The following RFWD3 variants were observed in gnomAD, a reference collection of about 807,000 sequenced individuals.
The protein encoded by RFWD3 is E3 ubiquitin-protein ligase RFWD3.
RFWD3 carries 65 observed loss-of-function variants against 87.7 expected under a neutral mutation model. The observed-to-expected ratio is 0.74, with a 90% CI of 0.61 to 0.91. The LOEUF (loss-of-function observed/expected upper bound fraction) is 0.91, where lower values mean the gene tolerates loss of function less well. RFWD3 is among the 40% of genes least tolerant of loss of function. The pLI, the probability that RFWD3 is intolerant of heterozygous loss-of-function variation, is 0.00. For synonymous variants in RFWD3, 433 were observed against 352.8 expected (o/e 1.23, Z -2.55); for missense variants, 1,078 against 938.5 (o/e 1.15, Z -1.94).
At chr16:74,631,271 GTC>G (rs1418356662) in intron 9 of RFWD3, among the ~76,000 whole-genome samples, 1 of 152,166 alleles carries the variant, frequency 6.6e-6, no homozygotes, top group African/African-American at 2.4e-5. Flanking sequence ...ATCACTTGAG[GTC>G]AGGAGTTTGA....
chr16:74,648,233 C>G (rs1383342171), intron 4 of RFWD3, among the ~76,000 whole-genome samples: 1 of 152,018 alleles, frequency 6.6e-6, no homozygotes, highest in Non-Finnish European at 1.5e-5. Flanking sequence ...ATCTAAGAGA[C>G]AGCAGTCACA....
intron 6 of RFWD3, among the ~76,000 whole-genome samples, chr16:74,640,443 C>A (rs903866087): frequency 2.6e-5 from 4 of 151,918 alleles, no homozygotes; most frequent in Non-Finnish European, 5.9e-5. Flanking sequence ...TGCGCCCGCC[C>A]GGAAACTTAA....
rs778325122 is a variant in RFWD3 at position 74,661,337 on chromosome 16, G to C, written c.113C>G (p.Pro38Arg). The change falls in exon 2 of 13, where the codon CCT (proline) becomes CGT (arginine). Residue 38 changes from proline to arginine, a missense_variant. Coordinates refer to ENST00000361070, the MANE Select transcript of RFWD3 (RefSeq NM_018124.4). ...GCTGCTGACCACATCAGCAGGAACA[G>C]GCTGGAGGAGGGCTGGTCCCCCTTG... ...SSQGGPALLQ[P>R]VPADVVSSQG... 2 of 1,614,150 alleles carry C rather than the reference G, an allele frequency of 1.2e-6. No homozygotes were observed. The highest frequency in any genetic ancestry group is 1.7e-6 in the Non-Finnish European group (2 of 1,180,038).
At chr16:74,662,678 G>C (rs1961550254) in intron 1 of RFWD3, among the ~76,000 whole-genome samples, 1 of 152,154 alleles carries the variant, frequency 6.6e-6, no homozygotes, top group Admixed American at 6.5e-5. Flanking sequence ...GATGAGCATG[G>C]GTTTCACTGA....
intron 6 of RFWD3, among the ~76,000 whole-genome samples, chr16:74,643,825 G>A (rs1284898381): frequency 6.6e-6 from 1 of 151,952 alleles, no homozygotes; most frequent in African/African-American, 2.4e-5. Context: ...ACAGGCGTCC[G>A]CCACTATGCC....
At chr16:74,641,537 A>G (rs1026228512) in intron 6 of RFWD3, among the ~76,000 whole-genome samples, 2 of 152,184 alleles carry the variant, frequency 1.3e-5, no homozygotes, top group African/African-American at 4.8e-5. Flanking sequence ...AGTCCCATGT[A>G]TCAACTAGGA....
intron 2 of RFWD3, among the ~76,000 whole-genome samples, chr16:74,660,236 C>T (rs957052584): frequency 6.6e-6 from 1 of 152,230 alleles, no homozygotes; most frequent in African/African-American, 2.4e-5. Context: ...CACCACTGCG[C>T]TCCAGCCTGG....
intron 1 of RFWD3, among the ~76,000 whole-genome samples, chr16:74,666,145 T>C (rs1263007005): frequency 6.6e-6 from 1 of 151,690 alleles, no homozygotes. Flanking sequence ...TTTTACTACA[T>C]GGGGAAAGAA....
At chr16:74,645,419 G>A (rs536387744) in intron 4 of RFWD3, among the ~76,000 whole-genome samples, 75 of 152,304 alleles carry the variant, frequency 4.9e-4, no homozygotes, top group African/African-American at 1.2e-3. Flanking sequence ...AGGCGATTTC[G>A]TCATTGAATG....
chr16:74,627,236 T>A (rs910889195), intron 11 of RFWD3, among the ~76,000 whole-genome samples: 2 of 152,260 alleles, frequency 1.3e-5, no homozygotes, highest in African/African-American at 4.8e-5. Context: ...TGACTATACA[T>A]CTGCCTGACT....
chr16:74,656,198 T>G (rs905658307), intron 2 of RFWD3, among the ~76,000 whole-genome samples: 14 of 150,044 alleles, frequency 9.3e-5, no homozygotes, highest in African/African-American at 3.4e-4. Flanking sequence ...CTCTGTAGGC[T>G]GAGGCAGGAG....
chr16:74,666,200 A>AGAT (rs1961897075), intron 1 of RFWD3: 1 of 150,028 alleles, frequency 6.7e-6, no homozygotes, highest in African/African-American at 2.5e-5. Context: ...ATAGATAGAT[A>AGAT]GATAGATAGA....
At chr16:74,665,987 C>T (rs1430239817) in intron 1 of RFWD3, among the ~76,000 whole-genome samples, 4 of 152,078 alleles carry the variant, frequency 2.6e-5, no homozygotes, top group Non-Finnish European at 4.4e-5. Context: ...CCTGAGCCAC[C>T]GCTTTTCTCT....
At chr16:74,663,370 G>T (rs926932507) in intron 1 of RFWD3, among the ~76,000 whole-genome samples, 2 of 152,168 alleles carry the variant, frequency 1.3e-5, no homozygotes, top group Admixed American at 6.5e-5. Context: ...TGGGAATGTG[G>T]TGTCTTGGAA....
chr16:74,664,314 A>C (rs1029956407), intron 1 of RFWD3: 11 of 152,208 alleles, frequency 7.2e-5, no homozygotes, highest in African/African-American at 2.7e-4. Flanking sequence ...GTGTCAGAAC[A>C]TAAGGCCCAA....
chr16:74,639,538 C>CA (rs956224247), intron 6 of RFWD3, among the ~76,000 whole-genome samples: 22 of 152,194 alleles, frequency 1.4e-4, no homozygotes, highest in Admixed American at 4.6e-4. Flanking sequence ...AAACAGTGAA[C>CA]AAATGGAAGG....
At chr16:74,631,958 T>C (rs1959110109) in intron 9 of RFWD3, among the ~76,000 whole-genome samples, 1 of 152,168 alleles carries the variant, frequency 6.6e-6, no homozygotes, top group Non-Finnish European at 1.5e-5. Context: ...CTCCTTAAAA[T>C]ATACTTAAGA....
At chr16:74,633,006 G>A (rs1263428282) in intron 8 of RFWD3, among the ~76,000 whole-genome samples, 1 of 152,054 alleles carries the variant, frequency 6.6e-6, no homozygotes, top group Non-Finnish European at 1.5e-5. Context: ...GCCAGGCATG[G>A]TGTCTCACCT....
chr16:74,624,011 C>G lies in RFWD3; in HGVS notation c.2242G>C (p.Asp748His). 1.2e-6 allele frequency: 2 copies of G among 1,614,088 alleles called. No homozygotes were observed. Among genetic ancestry groups the G allele is most frequent in the South Asian group, 2.2e-5 (2 of 91,076 alleles). ...CGGTTCACCTCAAATGGGCAGATGT[C>G]CAACACAGGCTGATCGGTCTGTAGG... is the stretch of plus-strand genomic sequence containing the variant. ...QDLQTDQPVL[D>H]ICPFEVNRNS... The change falls in exon 13 of 13, where the codon GAC (aspartate) becomes CAC (histidine). Residue 748 changes from aspartate (D) to histidine (H), a missense_variant. Coordinates refer to ENST00000361070, the MANE Select transcript of RFWD3 (RefSeq NM_018124.4).
Sources: gnomAD v4.1 joint callset for allele counts (sites outside exome capture counted in the v4.1 genomes callset) on GRCh38, gnomAD v4.1.1 for gene constraint, MANE v1.5 for transcripts, NCBI Gene and HGNC (gene_info 2026-07-23, HGNC 2026-07-21) for gene names.